Variants in CNTNAP3 observed in about 807,000 individuals in gnomAD.
CNTNAP3 encodes the protein contactin associated protein family member 3.
In CNTNAP3, 36 loss-of-function variants were observed where a neutral mutation model predicts 92.1. The ratio of observed to expected loss-of-function variants is 0.39; its 90% CI spans 0.30 to 0.52. CNTNAP3 has a LOEUF of 0.52. CNTNAP3 is among the 20% of genes least tolerant of loss of function. The pLI is 0.76. For missense variants in CNTNAP3, 534 were observed against 1,069.6 expected (o/e 0.50, Z 6.98); for synonymous variants, 232 against 422.3 (o/e 0.55, Z 5.53).
At chr9:39,107,103 T>A (rs1287443594) in intron 15 of CNTNAP3, among the ~76,000 whole-genome samples, 1 of 152,026 alleles carries the variant, frequency 6.6e-6, no homozygotes, top group African/African-American at 2.4e-5. Flanking sequence ...CTCCATTCCA[T>A]ATAAATGAAT....
chr9:39,099,040 T>A lies in CNTNAP3; in HGVS notation c.2995+871A>T, dbSNP rs1826391167. On this transcript the variant is annotated intron_variant, in intron 18 of 23. Coordinates refer to ENST00000297668, the MANE Select transcript of CNTNAP3 (RefSeq NM_033655.5). ...CCCAGGAGTGAGTGCAGTGGTGCGA[T>A]CTCTACTCACTGCAACCTCTGCCTC... Among the ~76,000 whole-genome samples, 6 of 151,830 alleles carry A rather than the reference T, an allele frequency of 4.0e-5. No individual in the cohort carries two copies. In the South Asian group the frequency reaches 1.2e-3, roughly 32 times the overall value.
chr9:39,144,508 A>G (rs1821653665), intron 10 of CNTNAP3, among the ~76,000 whole-genome samples, 162 bp from the exon 11 acceptor site: 1 of 151,946 alleles, frequency 6.6e-6, no homozygotes, highest in Non-Finnish European at 1.5e-5. Flanking sequence ...AAGGTTCTCT[A>G]ATTATATTGA....
At chr9:39,112,216 C>T (rs575478947) in intron 14 of CNTNAP3, among the ~76,000 whole-genome samples, 80 of 151,772 alleles carry the variant, frequency 5.3e-4, no homozygotes, top group Middle Eastern at 6.8e-3. Flanking sequence ...TCCTACGGTT[C>T]TGGAAATTGT....
intron 9 of CNTNAP3, among the ~76,000 whole-genome samples, chr9:39,162,347 T>C (rs915884111): frequency 1.2e-4 from 2 of 17,090 alleles, no homozygotes. Context: ...CAGGTGCTGG[T>C]AAAGCTGTGG....
chr9:39,087,653 A>AT (rs1228093829), intron 19 of CNTNAP3, among the ~76,000 whole-genome samples: 1 of 151,928 alleles, frequency 6.6e-6, no homozygotes, highest in African/African-American at 2.4e-5. Context: ...TGCCCGGCTC[A>AT]TTTTTTGTAT....
chr9:39,069,753 T>C lies in CNTNAP3; in HGVS notation c.*4137A>G, dbSNP rs1427752120. 4.6e-5 allele frequency among the ~76,000 whole-genome samples: 7 copies of C among 152,414 alleles called. No homozygotes were observed. In the East Asian group the frequency reaches 7.7e-4, roughly 17 times the overall value. ...CACTTAAGTATACCAACTTAAACCG[T>C]GAGTGGCTGTTCTGACAACACATCA... On this transcript the variant is annotated 3_prime_UTR_variant, in exon 24 of 24. Transcript: ENST00000297668.
chr9:39,128,798 A>C (rs1042078422), intron 13 of CNTNAP3, among the ~76,000 whole-genome samples: 5 of 151,642 alleles, frequency 3.3e-5, no homozygotes, highest in African/African-American at 1.2e-4. Flanking sequence ...ACTAAAAAAA[A>C]ATTAAGTTCA....
intron 13 of CNTNAP3, among the ~76,000 whole-genome samples, chr9:39,128,394 A>C (rs1020670959): frequency 7.9e-5 from 12 of 152,112 alleles, no homozygotes; most frequent in Non-Finnish European, 4.4e-5. Context: ...TAAATTATAC[A>C]TTATGGCAAA....
At chr9:39,143,459 CT>C (rs1231693819) in intron 11 of CNTNAP3, among the ~76,000 whole-genome samples, 1 of 152,014 alleles carries the variant, frequency 6.6e-6, no homozygotes, top group Non-Finnish European at 1.5e-5. Flanking sequence ...TGGAGCCAAC[CT>C]CCTTAGCTCA....
At chr9:39,106,043 T>A (rs1826597126) in intron 15 of CNTNAP3, among the ~76,000 whole-genome samples, 1 of 152,176 alleles carries the variant, frequency 6.6e-6, no homozygotes, top group Non-Finnish European at 1.5e-5. Context: ...ACTCCTACTC[T>A]CCTCACTGTA....
At chr9:39,138,292 C>T (rs2778159) in intron 12 of CNTNAP3, among the ~76,000 whole-genome samples, 19 of 152,176 alleles carry the variant, frequency 1.2e-4, no homozygotes, top group African/African-American at 2.7e-4. Context: ...GGTTCTATAG[C>T]CCTGTGATTA....
chr9:39,146,333 G>T (rs1025198264), intron 10 of CNTNAP3, among the ~76,000 whole-genome samples: 1 of 152,098 alleles, frequency 6.6e-6, no homozygotes, highest in Admixed American at 6.5e-5. Context: ...GCTCTGCCAT[G>T]TGGTATACAG....
chr9:39,119,831 A>T (rs940884251), intron 13 of CNTNAP3, among the ~76,000 whole-genome samples: 4 of 152,176 alleles, frequency 2.6e-5, no homozygotes, highest in East Asian at 1.9e-4. Flanking sequence ...ATAACTTTTT[A>T]AAAAACTCTG....
intron 14 of CNTNAP3, among the ~76,000 whole-genome samples, chr9:39,114,029 CATATAT>C (rs1243735510): frequency 2.2e-5 from 3 of 133,718 alleles, no homozygotes; most frequent in South Asian, 2.3e-4. Flanking sequence ...TATATACACA[CATATAT>C]ACACACACAC....
At chr9:39,100,586 A>G (rs1266897179) in intron 17 of CNTNAP3, among the ~76,000 whole-genome samples, 1 of 145,762 alleles carries the variant, frequency 6.9e-6, no homozygotes, top group Non-Finnish European at 1.5e-5. Flanking sequence ...CAAATTTTTC[A>G]CAATAATAAA....
chr9:39,130,181 C>A (rs1314661375), intron 13 of CNTNAP3, among the ~76,000 whole-genome samples: 1 of 152,140 alleles, frequency 6.6e-6, no homozygotes, highest in Admixed American at 6.5e-5. Context: ...TCACACAAAA[C>A]CTGTACACAA....
rs1457972245 is a variant in CNTNAP3 at position 39,067,705 on chromosome 9, A to G, written c.*6185T>C. Reference sequence around the variant, plus strand: ...GCCACTGTGCCCGGCCTGGTGTTGGATAGTTTTATGTTACTGGAAATACAT... The same window carrying G: ...GCCACTGTGCCCGGCCTGGTGTTGGGTAGTTTTATGTTACTGGAAATACAT... On this transcript the variant is annotated 3_prime_UTR_variant, in exon 24 of 24. Coordinates refer to ENST00000297668, the MANE Select transcript of CNTNAP3 (RefSeq NM_033655.5). Among the ~76,000 whole-genome samples, 5 of 152,426 alleles carry G rather than the reference A, an allele frequency of 3.3e-5. No individual in the cohort carries two copies. The South Asian group carries it at 8.3e-4, about 25-fold the overall frequency.
chr9:39,074,295 T>C (rs150491839), intron 23 of CNTNAP3, among the ~76,000 whole-genome samples: 39 of 151,954 alleles, frequency 2.6e-4, no homozygotes, highest in African/African-American at 8.2e-4. Context: ...TCCCAAATTG[T>C]TGGGATTACA....
chr9:39,089,365 T>C (rs1049263346), intron 18 of CNTNAP3, among the ~76,000 whole-genome samples: 2 of 152,392 alleles, frequency 1.3e-5, no homozygotes, highest in East Asian at 3.9e-4. Context: ...GGTTCATCCA[T>C]CTTGTAGCAT....
Sources: allele counts gnomAD v4.1 joint callset (sites outside exome capture counted in the v4.1 genomes callset), GRCh38; gene constraint gnomAD v4.1.1; transcripts MANE v1.5; gene names NCBI Gene and HGNC (gene_info 2026-07-23, HGNC 2026-07-21).